Variants in CARD8 observed in about 807,000 individuals in gnomAD.
CARD8 encodes caspase recruitment domain-containing protein 8.
In CARD8, 38 loss-of-function variants were observed where a neutral mutation model predicts 53.2. The ratio of observed to expected loss-of-function variants is 0.71; its 90% CI spans 0.55 to 0.94. The LOEUF (loss-of-function observed/expected upper bound fraction) is 0.94, where lower values mean the gene tolerates loss of function less well. Among genes scored for constraint, CARD8 ranks in the 40% least tolerant of loss-of-function variants. The probability of loss-of-function intolerance (pLI) is 0.00; values close to 1 mark genes in which losing one functional copy is unlikely to be tolerated. For synonymous variants in CARD8, 245 were observed against 244.9 expected (o/e 1.00, Z 0.00); for missense variants, 561 against 655.5 (o/e 0.86, Z 1.57).
chr19:48,240,953 GTCAC>G lies in CARD8; in HGVS notation c.59+5_59+8del, dbSNP rs1568885789. ...ATCAGGAGCCCTCACAGAGCGCAAAGTCACTCACCGTCTCGGCAGCTCTTCCTCA... is the reference window on the plus strand; with the variant it reads ...ATCAGGAGCCCTCACAGAGCGCAAAGTCACCGTCTCGGCAGCTCTTCCTCA... On this transcript the variant is annotated splice_donor_5th_base_variant and intron_variant, in intron 4 of 13. Coordinates refer to ENST00000651546, the MANE Select transcript of CARD8 (RefSeq NM_001184900.3). 1 of 1,535,100 alleles carries G rather than the reference GTCAC, an allele frequency of 6.5e-7. No individual in the cohort carries two copies. Among genetic ancestry groups the G allele is most frequent in the Admixed American group, 2.0e-5 (1 of 50,990 alleles).
In CARD8 at chr19:48,227,087, CA is replaced by C. The variant is rs57953827; in HGVS notation, c.1035+3350del. ...CTGGTGACACAGCAAGACTCCGTCT[CA>C]AAAAAAAAAAAAAAGAAAGAAAAGA... On this transcript the variant is annotated intron_variant, in intron 10 of 13. Coordinates refer to ENST00000651546, the MANE Select transcript of CARD8 (RefSeq NM_001184900.3). Among the ~76,000 whole-genome samples the C allele has an allele frequency of 3.9e-3, 404 of 103,950 alleles. 5 individuals are homozygous for C. Among genetic ancestry groups the C allele is most frequent in the Admixed American group, 0.024 (250 of 10,272 alleles). The allele number at this position is 103,950 out of a possible 152,430, so 68.2% of individuals were successfully genotyped here.
At chr19:48,248,669 T>C (rs1442605784) in intron 3 of CARD8, among the ~76,000 whole-genome samples, 1 of 152,174 alleles carries the variant, frequency 6.6e-6, no homozygotes, top group Non-Finnish European at 1.5e-5. Context: ...CTTTGGAGAA[T>C]AAACTGGCTG....
At chr19:48,231,366 G>A (rs771114002) in intron 8 of CARD8, among the ~76,000 whole-genome samples, 9 of 152,050 alleles carry the variant, frequency 5.9e-5, no homozygotes, top group Non-Finnish European at 1.3e-4. Context: ...GTGCAGTGGC[G>A]AGATCTCATC....
At chr19:48,242,962 T>C (rs1173377738) in intron 3 of CARD8, among the ~76,000 whole-genome samples, 1 of 152,184 alleles carries the variant, frequency 6.6e-6, no homozygotes, top group Non-Finnish European at 1.5e-5. Context: ...TGATAAGTTA[T>C]TGTGATTTTT....
At chr19:48,239,664 T>A (rs954270029) in intron 4 of CARD8, among the ~76,000 whole-genome samples, 1 of 151,916 alleles carries the variant, frequency 6.6e-6, no homozygotes, top group South Asian at 2.1e-4. Context: ...GTAGTAGAGA[T>A]GGGGTTTCAC....
At chr19:48,245,050 C>T (rs183892728) in intron 3 of CARD8, among the ~76,000 whole-genome samples, 70 of 152,236 alleles carry the variant, frequency 4.6e-4, no homozygotes, top group East Asian at 2.7e-3. Flanking sequence ...GTTAAAATAT[C>T]GGAAGCTTAT....
chr19:48,254,897 A>G (rs1330487526), intron 1 of CARD8, among the ~76,000 whole-genome samples: 2 of 152,232 alleles, frequency 1.3e-5, no homozygotes, highest in Non-Finnish European at 2.9e-5. Context: ...GCTGCCCAGC[A>G]ACTGCTGGTC....
At chr19:48,244,381 CGG>C (rs1351635699) in intron 3 of CARD8, among the ~76,000 whole-genome samples, 1 of 152,066 alleles carries the variant, frequency 6.6e-6, no homozygotes, top group African/African-American at 2.4e-5. Context: ...TGTTTCTCAC[CGG>C]CTGACAAAAC....
chr19:48,205,776 C>A (rs370109934), downstream of CARD8, among the ~76,000 whole-genome samples: 1 of 152,086 alleles, frequency 6.6e-6, no homozygotes, highest in East Asian at 1.9e-4. Context: ...TCACATGTAA[C>A]CTCCGTCTGG....
chr19:48,238,643 T>A (rs2044354721), intron 4 of CARD8, 111 bp from the exon 5 acceptor site: 1 of 968,062 alleles, frequency 1.0e-6, no homozygotes, highest in Admixed American at 2.5e-5. Context: ...GAGATATCCA[T>A]CCTTAGACAT....
At chr19:48,204,211 G>C (rs191208613), downstream of CARD8, 1 of 455,868 alleles carries the variant, frequency 2.2e-6, no homozygotes, top group East Asian at 7.0e-5. Context: ...CGCGCAGGAG[G>C]GGGATTCAAA....
chr19:48,215,470 G>A, intron 12 of CARD8, 86 bp from the exon 13 acceptor site: 2 of 890,516 alleles, frequency 2.2e-6, no homozygotes, highest in Admixed American at 1.9e-5. Context: ...GCAACCAACT[G>A]AAATAATTTA....
Position 48,227,440 on chromosome 19 carries a change from C to T in CARD8, c.1035+2998G>A, listed in dbSNP as rs568557018. Reference sequence around the variant, plus strand: ...AGAAAGGAGAGTCCAAGATTCAGCCCTGGAAACTCAATATTCAGAGAAGGT... The same window carrying T: ...AGAAAGGAGAGTCCAAGATTCAGCCTTGGAAACTCAATATTCAGAGAAGGT... On this transcript the variant is annotated intron_variant, in intron 10 of 13. Coordinates refer to ENST00000651546, the MANE Select transcript of CARD8 (RefSeq NM_001184900.3). 3.3e-5 allele frequency among the ~76,000 whole-genome samples: 5 copies of T among 152,180 alleles called. No homozygotes were observed. The South Asian group carries it at 8.3e-4, about 25-fold the overall frequency.
At chr19:48,212,066 G>T in intron 13 of CARD8, 91 bp from the exon 14 acceptor site, 2 of 1,220,832 alleles carry the variant, frequency 1.6e-6, no homozygotes, top group Non-Finnish European at 2.3e-6. Flanking sequence ...TTCAGGGGTG[G>T]GAGATTGCTC....
intron 6 of CARD8, 140 bp from the exon 7 acceptor site, chr19:48,232,633 T>C (rs2043126900): frequency 1.3e-6 from 1 of 773,266 alleles, no homozygotes; most frequent in Non-Finnish European, 2.2e-6. Context: ...TTTAAATTTG[T>C]ATGAATTAAA....
At chr19:48,231,845 G>C in intron 7 of CARD8, 35 bp from the exon 8 acceptor site, 1 of 1,608,766 alleles carries the variant, frequency 6.2e-7, no homozygotes, top group Non-Finnish European at 8.5e-7. Context: ...AAGAGGTAAA[G>C]GGTTGGAAGA....
chr19:48,233,224 T>C, intron 6 of CARD8: 1 of 415,198 alleles, frequency 2.4e-6, no homozygotes, highest in Non-Finnish European at 4.8e-6. Flanking sequence ...CGTGAGCCAA[T>C]GGTTCGTCAT....
intron 10 of CARD8, among the ~76,000 whole-genome samples, chr19:48,228,560 G>C (rs1004432771): frequency 6.6e-6 from 1 of 152,234 alleles, no homozygotes; most frequent in Non-Finnish European, 1.5e-5. Flanking sequence ...TCTGGGAACA[G>C]AGTGAGAACT....
intron 5 of CARD8, chr19:48,238,159 G>C: frequency 1.5e-6 from 1 of 664,510 alleles, no homozygotes; most frequent in Admixed American, 3.7e-5. Context: ...CCAGTGTGCT[G>C]AGATTACAGG....
Sources: allele counts gnomAD v4.1 joint callset (sites outside exome capture counted in the v4.1 genomes callset), GRCh38; gene constraint gnomAD v4.1.1; transcripts MANE v1.5; gene names NCBI Gene and HGNC (gene_info 2026-07-23, HGNC 2026-07-21).